Variants in SBF2 observed in about 807,000 individuals in gnomAD.
The protein encoded by SBF2 is myotubularin-related protein 13.
Under a neutral mutation model 225.2 loss-of-function variants are expected in SBF2, and 112 were observed. The observed-to-expected ratio is 0.50, with a 90% CI of 0.43 to 0.58. SBF2 has a LOEUF of 0.58. Among genes scored for constraint, SBF2 ranks in the 20% least tolerant of loss-of-function variants. SBF2 has a pLI of 0.00. For synonymous variants in SBF2, 763 were observed against 773.3 expected, an observed-to-expected ratio of 0.99 and a Z score of 0.22; for missense variants, 1,996 against 2,206.2, an observed-to-expected ratio of 0.90 and a Z score of 1.91.
intron 1 of SBF2, among the ~76,000 whole-genome samples, chr11:10,211,117 A>AG (rs58029198): frequency 0.073 from 11,058 of 150,690 alleles, 584 homozygotes; most frequent in East Asian, 0.29. Context: ...TTATTTGACA[A>AG]TGTAACACTG....
At chr11:9,960,557 A>T (rs1475136824) in intron 16 of SBF2, 1 of 152,298 alleles carries the variant, frequency 6.6e-6, no homozygotes, top group South Asian at 2.1e-4. Context: ...CAATTTTGCC[A>T]TAAATCGTGT....
chr11:9,809,154 T>G (rs1854025453), intron 30 of SBF2, 152 bp from the exon 31 acceptor site: 1 of 617,558 alleles, frequency 1.6e-6, no homozygotes, highest in Non-Finnish European at 3.0e-6. Context: ...CTAAAGTTCT[T>G]TCAAATCAAG....
intron 9 of SBF2, among the ~76,000 whole-genome samples, chr11:9,997,561 G>A (rs545825873): frequency 1.2e-4 from 19 of 152,182 alleles, no homozygotes; most frequent in Non-Finnish European, 2.5e-4. Flanking sequence ...GGCAGATCAC[G>A]AGATCAGGAG....
At chr11:9,825,483 C>T (rs190221482) in intron 28 of SBF2, among the ~76,000 whole-genome samples, 4 of 152,178 alleles carry the variant, frequency 2.6e-5, no homozygotes, top group Admixed American at 6.5e-5. Flanking sequence ...ACCAATACAA[C>T]GACTTCAAGG....
chr11:10,089,381 A>G (rs1951696170), intron 2 of SBF2, among the ~76,000 whole-genome samples: 1 of 152,232 alleles, frequency 6.6e-6, no homozygotes, highest in Admixed American at 6.5e-5. Context: ...AACAACCTAC[A>G]TGCCAATAAA....
chr11:10,222,759 T>C (rs1183046731), intron 1 of SBF2, among the ~76,000 whole-genome samples: 1 of 152,182 alleles, frequency 6.6e-6, no homozygotes, highest in Non-Finnish European at 1.5e-5. Context: ...TTAACCCATT[T>C]ATATTGGAGG....
chr11:9,788,676 G>C lies in SBF2; in HGVS notation c.4932+433C>G, dbSNP rs141562884. On this transcript the variant is annotated intron_variant, in intron 35 of 39. Coordinates refer to ENST00000256190, the MANE Select transcript of SBF2 (RefSeq NM_030962.4). ...GTGGCGTGATCTCTGCTCCCTGCAA[G>C]CTCCGCCTCGCAGGTTCATGCCATT... Among the ~76,000 whole-genome samples the C allele has an allele frequency of 8.3e-3, 1,230 of 148,742 alleles. 13 individuals are homozygous for C. The highest frequency in any genetic ancestry group is 0.029 in the African/African-American group (1,181 of 40,240).
At chr11:10,256,555 A>G (rs373057838) in intron 1 of SBF2, among the ~76,000 whole-genome samples, 1 of 152,256 alleles carries the variant, frequency 6.6e-6, no homozygotes, top group East Asian at 1.9e-4. Context: ...AAGCCCTTGA[A>G]GCCGCATTAG....
At chr11:10,036,868 A>G (rs1949456949) in intron 3 of SBF2, among the ~76,000 whole-genome samples, 1 of 152,188 alleles carries the variant, frequency 6.6e-6, no homozygotes, top group Non-Finnish European at 1.5e-5. Flanking sequence ...GAATGTAGTA[A>G]TTTTTGTTTT....
chr11:10,239,834 G>C (rs933160598), intron 1 of SBF2, among the ~76,000 whole-genome samples: 8 of 152,002 alleles, frequency 5.3e-5, no homozygotes, highest in Non-Finnish European at 8.8e-5. Context: ...GTATATTTTG[G>C]GTTTTAAAAT....
At position 9,808,053 on chromosome 11, in the gene SBF2, G is replaced by A; in HGVS notation, c.4390C>T (p.Gln1464Ter). 1 of 1,614,130 alleles carries A rather than the reference G, an allele frequency of 6.2e-7. No homozygotes were observed. The highest frequency in any genetic ancestry group is 8.5e-7 in the Non-Finnish European group (1 of 1,179,998). Residue 1464 changes from glutamine (Q) to a stop codon, truncating the protein, a stop_gained, in exon 32 of 40, where the codon CAG (glutamine) becomes TAG (stop). Transcript: ENST00000256190. LOFTEE classifies it high-confidence loss of function. ...SQRSSLTLNC[Q>*]GSGFAPVFLQ... ...AAGACTGGAGCAAAACCACTCCCCT[G>A]ACAGTTGAGGGTCAAGCTGCTCCTC...
intron 5 of SBF2, among the ~76,000 whole-genome samples, chr11:10,029,027 G>A (rs536818502): frequency 2.6e-5 from 4 of 152,056 alleles, no homozygotes; most frequent in East Asian, 1.9e-4. Context: ...GTAAAAAGGC[G>A]AAGGGCAAGA....
chr11:10,054,409 G>A (rs1262311098), intron 2 of SBF2, among the ~76,000 whole-genome samples: 3 of 152,130 alleles, frequency 2.0e-5, no homozygotes, highest in Admixed American at 2.0e-4. Flanking sequence ...ATCTTAATAT[G>A]TTCTCAAAGA....
intron 2 of SBF2, among the ~76,000 whole-genome samples, chr11:10,095,664 G>A (rs1951986074): frequency 6.6e-6 from 1 of 152,062 alleles, no homozygotes; most frequent in African/African-American, 2.4e-5. Flanking sequence ...TTTTTAAAAA[G>A]GTTTAAAAGA....
intron 16 of SBF2, among the ~76,000 whole-genome samples, chr11:9,905,862 C>T (rs1354480451): frequency 1.3e-5 from 2 of 152,134 alleles, no homozygotes; most frequent in East Asian, 3.8e-4. Context: ...TGAGAACTTC[C>T]TTCAAAGAGA....
intron 1 of SBF2, among the ~76,000 whole-genome samples, chr11:10,262,138 A>G (rs1192186871): frequency 6.6e-6 from 1 of 152,198 alleles, no homozygotes; most frequent in Admixed American, 6.5e-5. Context: ...ATGGTTAATT[A>G]TATGCATGCC....
intron 28 of SBF2, 132 bp downstream of exon 28, chr11:9,829,223 CT>C (rs2133931274): frequency 2.0e-6 from 2 of 1,006,354 alleles, no homozygotes; most frequent in Non-Finnish European, 3.1e-6. Context: ...ACTTATAACC[CT>C]TCAGGGTAAA....
At chr11:9,804,511 T>G (rs749625902) in intron 32 of SBF2, among the ~76,000 whole-genome samples, 1 of 152,260 alleles carries the variant, frequency 6.6e-6, no homozygotes, top group Admixed American at 6.5e-5. Flanking sequence ...TTTTGGTCAC[T>G]GTACACAGTT....
rs1339072532 is a variant in SBF2 at position 9,779,480 on chromosome 11, G to GTAGTT, written c.*933_*937dup. 1.3e-5 allele frequency: 2 copies of GTAGTT among 152,596 alleles called. No individual in the cohort carries two copies. Among genetic ancestry groups the GTAGTT allele is most frequent in the Non-Finnish European group, 2.9e-5 (2 of 68,018 alleles). 9.5% of individuals were successfully genotyped at this position (152,596 alleles called of 1,614,324 possible). A position where few individuals can be genotyped will look rare whatever the true frequency, so the allele number is the denominator to read the frequency against. Reference sequence around the variant, plus strand: ...GTTCTTACTTTTCATGTGTAGAAGTGTAGTTTGGGTATCCAGTCATGCCAC... The same window carrying GTAGTT: ...GTTCTTACTTTTCATGTGTAGAAGTGTAGTTTAGTTTGGGTATCCAGTCATGCCAC... On this transcript the variant is annotated 3_prime_UTR_variant, in exon 40 of 40. Coordinates refer to ENST00000256190, the MANE Select transcript of SBF2 (RefSeq NM_030962.4).
Sources: allele counts gnomAD v4.1 joint callset (sites outside exome capture counted in the v4.1 genomes callset), GRCh38; gene constraint gnomAD v4.1.1; transcripts MANE v1.5; gene names NCBI Gene and HGNC (gene_info 2026-07-23, HGNC 2026-07-21).